The following POLR2M variants were observed in gnomAD, a reference collection of about 807,000 sequenced individuals.
The protein encoded by POLR2M is protein GRINL1A.
POLR2M carries 30 observed loss-of-function variants against 34.6 expected under a neutral mutation model. The ratio of observed to expected loss-of-function variants is 0.87; its 90% CI spans 0.65 to 1.18. The LOEUF is 1.18. POLR2M is among the 50% of genes most tolerant of loss of function. The probability of loss-of-function intolerance (pLI) is 0.00; values close to 1 mark genes in which losing one functional copy is unlikely to be tolerated. For missense variants in POLR2M, 432 were observed against 448.7 expected (o/e 0.96, Z 0.34); for synonymous variants, 150 against 166.7 (o/e 0.90, Z 0.77).
At chr15:57,710,194 C>A (rs1487700230) in intron 2 of POLR2M, among the ~76,000 whole-genome samples, 1 of 152,152 alleles carries the variant, frequency 6.6e-6, no homozygotes, top group Non-Finnish European at 1.5e-5. Flanking sequence ...GTTTGAAAAA[C>A]TGTGAAAATA....
At chr15:57,711,621 G>A (rs2040716761) in intron 2 of POLR2M, among the ~76,000 whole-genome samples, 2 of 151,834 alleles carry the variant, frequency 1.3e-5, no homozygotes, top group Non-Finnish European at 1.5e-5. Flanking sequence ...ATTTCCTTAT[G>A]TTCCAATGTA....
In POLR2M at chr15:57,712,036, C is replaced by T. The variant is rs756202023; in HGVS notation, c.811C>T (p.Pro271Ser). 1 of 1,614,066 alleles carries T rather than the reference C, an allele frequency of 6.2e-7. No individual in the cohort carries two copies. The highest frequency in any genetic ancestry group is 8.5e-7 in the Non-Finnish European group (1 of 1,179,950). The change falls in exon 3 of 4, where the codon CCT (proline) becomes TCT (serine). Residue 271 changes from proline (P) to serine (S), a missense_variant. Pro to Ser is a moderately conservative substitution (Grantham distance 74, BLOSUM62 -1). Coordinates refer to ENST00000299638, the MANE Select transcript of POLR2M (RefSeq NM_015532.5). ...SSSHCQKSGS[P>S]ISSEERRRRD... ...TAGTCATTGCCAGAAGAGTGGGTCT[C>T]CTATTTCCTCAGAAGAGCGGCGGCG...
rs2040925828 is a variant in POLR2M at position 57,715,967 on chromosome 15, TTTAG to T, written c.*1291_*1294del. On this transcript the variant is annotated 3_prime_UTR_variant, in exon 4 of 4. Transcript: ENST00000299638. ...ATACTGACCTAAGATTCTCATTAGT[TTTAG>T]TTCTTAAAACGAATAGTAAATGATT... The T allele has an allele frequency of 6.6e-6, 1 of 152,302 alleles. No homozygotes were observed. Among genetic ancestry groups the T allele is most frequent in the African/African-American group, 2.4e-5 (1 of 41,484 alleles). 9.4% of individuals were successfully genotyped at this position (152,302 alleles called of 1,614,324 possible). A position where few individuals can be genotyped will look rare whatever the true frequency, so the allele number is the denominator to read the frequency against.
chr15:57,714,140 C>G (rs1433841980), intron 3 of POLR2M, among the ~76,000 whole-genome samples: 1 of 152,100 alleles, frequency 6.6e-6, no homozygotes. Context: ...AGCCACTGCA[C>G]CGGGCCCCAG....
At position 57,712,104 on chromosome 15, in the gene POLR2M, T is replaced by G. The variant is rs2140830890; in HGVS notation, c.879T>G (p.Leu293=). 1 of 1,614,148 alleles carries G rather than the reference T, an allele frequency of 6.2e-7. No homozygotes were observed. The highest frequency in any genetic ancestry group is 2.2e-5 in the East Asian group (1 of 44,866). Residue 293 remains leucine, a synonymous_variant, in exon 3 of 4, where the codon CTT becomes CTG. Transcript: ENST00000299638. The part of the protein sequence containing the change: ...QHLDDITAAR[L]LPLHHMPTQL... The stretch of plus-strand genomic sequence containing the variant: ...TTGATGACATCACAGCAGCTCGGCT[T>G]CTACCACTTCACCATATGCCCACGC...
chr15:57,714,404 T>G, intron 3 of POLR2M, 132 bp from the exon 4 acceptor site: 1 of 1,458,930 alleles, frequency 6.9e-7, no homozygotes, highest in Non-Finnish European at 9.3e-7. Context: ...CCATCAGGCT[T>G]GTATTGCCCA....
chr15:57,706,946 T>G lies in POLR2M; in HGVS notation c.104T>G (p.Leu35Trp), dbSNP rs1014307720. 1 of 1,600,794 alleles carries G rather than the reference T, an allele frequency of 6.2e-7. No individual in the cohort carries two copies. Among genetic ancestry groups the G allele is most frequent in the Non-Finnish European group, 8.5e-7 (1 of 1,173,726 alleles). Reference sequence around the variant, plus strand: ...ATGTTGAAGCGCCAGGAGAGACTTTTGCGCAACGAGTAAGCTGGGGTCCCG... The same window carrying G: ...ATGTTGAAGCGCCAGGAGAGACTTTGGCGCAACGAGTAAGCTGGGGTCCCG... ...REMLKRQERL[L>W]RNEKFICKLP... The change falls in exon 1 of 4, where the codon TTG becomes TGG. Residue 35 changes from leucine (L) to tryptophan (W), a missense_variant. By Grantham distance (61) the Leu-to-Trp change is moderately conservative. Coordinates refer to ENST00000299638, the MANE Select transcript of POLR2M (RefSeq NM_015532.5).
intron 1 of POLR2M, 125 bp from the exon 2 acceptor site, chr15:57,708,589 G>C (rs958217155): frequency 2.3e-6 from 2 of 886,052 alleles, no homozygotes; most frequent in African/African-American, 3.4e-5. Context: ...GGGGCAGTTA[G>C]AAATCAGATA....
In POLR2M at chr15:57,706,715, T is replaced by G; in HGVS notation, c.-128T>G. Reference sequence around the variant, plus strand: ...TCGATTCGGCTCGAAGAAGACCCCGTTCTTCCGGGAAAATGGCGACTCCCG... The same window carrying G: ...TCGATTCGGCTCGAAGAAGACCCCGGTCTTCCGGGAAAATGGCGACTCCCG... On this transcript the variant is annotated 5_prime_UTR_variant, in exon 1 of 4. Transcript: ENST00000299638. 1 of 1,086,546 alleles carries G rather than the reference T, an allele frequency of 9.2e-7. No individual in the cohort carries two copies. Among genetic ancestry groups the G allele is most frequent in the Non-Finnish European group, 1.3e-6 (1 of 762,086 alleles). The allele number at this position is 1,086,546 out of a possible 1,614,324, so 67.3% of individuals were successfully genotyped here. A position where few individuals can be genotyped will look rare whatever the true frequency, so the allele number is the denominator to read the frequency against.
At position 57,706,749 on chromosome 15, in the gene POLR2M, C is replaced by G; in HGVS notation, c.-94C>G. The G allele has an allele frequency of 7.0e-7, 1 of 1,422,342 alleles. No individual in the cohort carries two copies. The highest frequency in any genetic ancestry group is 9.5e-7 in the Non-Finnish European group (1 of 1,048,092). 88.1% of individuals were successfully genotyped at this position (1,422,342 alleles called of 1,614,324 possible). The stretch of plus-strand genomic sequence containing the variant: ...GAAAATGGCGACTCCCGCTCGTGCC[C>G]CGGAGTCACCGCCGTCCGCGGATCC... On this transcript the variant is annotated 5_prime_UTR_variant, in exon 1 of 4. Coordinates refer to ENST00000299638, the MANE Select transcript of POLR2M (RefSeq NM_015532.5).
intron 3 of POLR2M, among the ~76,000 whole-genome samples, chr15:57,712,417 T>C (rs1229598232): frequency 1.3e-5 from 2 of 152,190 alleles, no homozygotes; most frequent in Non-Finnish European, 2.9e-5. Flanking sequence ...TGCCTGGAGA[T>C]GTGGGGAGAC....
chr15:57,714,507 A>G, intron 3 of POLR2M, 29 bp from the exon 4 acceptor site: 3 of 1,610,392 alleles, frequency 1.9e-6, no homozygotes, highest in Non-Finnish European at 2.5e-6. Flanking sequence ...GTGAACGTGT[A>G]ACTTTGTGCT....
intron 3 of POLR2M, among the ~76,000 whole-genome samples, chr15:57,713,024 G>C (rs1323124502): frequency 1.3e-5 from 2 of 152,048 alleles, no homozygotes; most frequent in African/African-American, 4.8e-5. Flanking sequence ...AACATAGCTA[G>C]ACTCCATCTT....
chr15:57,712,141 A>G lies in POLR2M; in HGVS notation c.916A>G (p.Ile306Val). 1.2e-6 allele frequency: 2 copies of G among 1,614,218 alleles called. No individual in the cohort carries two copies. Among genetic ancestry groups the G allele is most frequent in the South Asian group, 1.1e-5 (1 of 91,080 alleles). The change falls in exon 3 of 4, where the codon ATA becomes GTA. Residue 306 changes from isoleucine (I) to valine (V), a missense_variant. By Grantham distance (29) the Ile-to-Val change is conservative. Transcript: ENST00000299638. The stretch of plus-strand genomic sequence containing the variant: ...CCATATGCCCACGCAGCTGCTCTCC[A>G]TAGAAGAATCCTTGGCACTTCAGAA... ...LHHMPTQLLS[I>V]EESLALQKQQ...
In POLR2M at chr15:57,706,849, T is replaced by C; in HGVS notation, c.7T>C (p.Ser3Pro). Reference sequence around the variant, plus strand: ...CAGCCTCAGCCCGCGCAGAATGTGCTCGCTGCCCCGCGGCTTCGAGCCCCA... The same window carrying C: ...CAGCCTCAGCCCGCGCAGAATGTGCCCGCTGCCCCGCGGCTTCGAGCCCCA... MC[S>P]LPRGFEPQAP... The change falls in exon 1 of 4, where the codon TCG (serine) becomes CCG (proline). Residue 3 changes from serine to proline, a missense_variant. Ser to Pro is a moderately conservative substitution (Grantham distance 74). Transcript: ENST00000299638. 6.4e-7 allele frequency: 1 copy of C among 1,567,942 alleles called. No individual in the cohort carries two copies. The highest frequency in any genetic ancestry group is 8.7e-7 in the Non-Finnish European group (1 of 1,155,724).
intron 1 of POLR2M, chr15:57,707,600 C>T (rs1157863356): frequency 4.4e-6 from 2 of 450,476 alleles, no homozygotes; most frequent in Admixed American, 2.4e-5. Context: ...ATTGGGAGAA[C>T]TTTTAAGCAT....
Position 57,714,872 on chromosome 15 carries a change from A to G in POLR2M, c.*193A>G. 3 of 888,910 alleles carry G rather than the reference A, an allele frequency of 3.4e-6. No individual in the cohort carries two copies. 55.1% of individuals were successfully genotyped at this position (888,910 alleles called of 1,614,324 possible). A position where few individuals can be genotyped will look rare whatever the true frequency, so the allele number is the denominator to read the frequency against. On this transcript the variant is annotated 3_prime_UTR_variant, in exon 4 of 4. Coordinates refer to ENST00000299638, the MANE Select transcript of POLR2M (RefSeq NM_015532.5). ...TGCTTGAAAAGTTTAATATTTGAAT[A>G]TTGTGTTTAACCACATGGTATTAAA...
At chr15:57,707,222 T>G in intron 1 of POLR2M, 1 of 1,379,172 alleles carries the variant, frequency 7.3e-7, no homozygotes, top group South Asian at 1.5e-5. Context: ...TCGGTTTTAT[T>G]TACCCGGGGA....
chr15:57,714,815 C>T lies in POLR2M; in HGVS notation c.*136C>T, dbSNP rs547139231. ...TACACAAAGGTAGTTATAAAAAAAG[C>T]CCAGTTTGTCTTTCAGAAGGTGACT... On this transcript the variant is annotated 3_prime_UTR_variant, in exon 4 of 4. Transcript: ENST00000299638. 1.2e-5 allele frequency: 17 copies of T among 1,399,514 alleles called. No individual in the cohort carries two copies. In the East Asian group the frequency reaches 3.0e-4, roughly 25 times the overall value. The allele number at this position is 1,399,514 out of a possible 1,614,324, so 86.7% of individuals were successfully genotyped here. A position where few individuals can be genotyped will look rare whatever the true frequency, so the allele number is the denominator to read the frequency against.
Sources: gnomAD v4.1 joint callset for allele counts (sites outside exome capture counted in the v4.1 genomes callset) on GRCh38, gnomAD v4.1.1 for gene constraint, MANE v1.5 for transcripts, NCBI Gene and HGNC (gene_info 2026-07-23, HGNC 2026-07-21) for gene names.